Variants in SPRY3 observed in about 807,000 individuals in gnomAD.
SPRY3 encodes the protein protein sprouty homolog 3.
Under a neutral mutation model 20.2 loss-of-function variants are expected in SPRY3, and 15 were observed. That is an observed-to-expected ratio of 0.74 (90% CI 0.50 to 1.14). The LOEUF (loss-of-function observed/expected upper bound fraction) is 1.14. Ranked by LOEUF, SPRY3 falls within the 50% of genes most tolerant of loss-of-function variation. The probability of loss-of-function intolerance (pLI) is 0.00; values close to 1 mark genes in which losing one functional copy is unlikely to be tolerated. For missense variants in SPRY3, 364 were observed against 363.9 expected (o/e 1.00, Z 0.00); for synonymous variants, 143 against 136.5 (o/e 1.05, Z -0.33).
chrX:155,751,836 A>G (rs1190646850), intron 2 of SPRY3, among the ~76,000 whole-genome samples: 3 of 151,540 alleles, frequency 2.0e-5, no homozygotes, highest in Non-Finnish European at 4.4e-5. Context: ...AGGAAATTGT[A>G]TGAAAAAAGT....
chrX:155,721,326 T>A (rs1602963050), intron 2 of SPRY3, among the ~76,000 whole-genome samples: 1 of 152,022 alleles, frequency 6.6e-6, no homozygotes. Context: ...AAAAGGCAAA[T>A]CTAAGAGTTA....
chrX:155,690,182 A>G (rs1305343142), intron 2 of SPRY3, among the ~76,000 whole-genome samples: 1 of 88,722 alleles, frequency 1.1e-5, no homozygotes, highest in Non-Finnish European at 2.1e-5. Context: ...GGTCCAAGAG[A>G]GTGGTTGTTA....
chrX:155,751,977 ATAAAATAAAG>A lies in SPRY3; in HGVS notation c.-281-15984_-281-15975del, dbSNP rs2091266014. 2.2e-5 allele frequency among the ~76,000 whole-genome samples: 3 copies of A among 138,952 alleles called. No homozygotes were observed. In the East Asian group the frequency reaches 6.0e-4, roughly 28 times the overall value. The allele number at this position is 138,952 out of a possible 152,430, so 91.2% of individuals were successfully genotyped here. A position where few individuals can be genotyped will look rare whatever the true frequency, so the allele number is the denominator to read the frequency against. ...ATAAAATAAAATAAAATAAAATAAA[ATAAAATAAAG>A]GAAAGGAAAAGGAAAGGAGGGGATG... On this transcript the variant is annotated intron_variant, in intron 2 of 3. Transcript: ENST00000675360.
chrX:155,679,662 GT>G (rs2068068015), intron 2 of SPRY3, among the ~76,000 whole-genome samples: 1 of 111,806 alleles, frequency 8.9e-6, no homozygotes, highest in South Asian at 3.7e-4. Context: ...AATAGATATG[GT>G]TTTTGTCCTC....
chrX:155,742,600 A>G (rs1412401179), intron 2 of SPRY3, among the ~76,000 whole-genome samples: 2 of 152,094 alleles, frequency 1.3e-5, no homozygotes, highest in Non-Finnish European at 2.9e-5. Flanking sequence ...TAAGTAAAAC[A>G]CTCCTCAGCA....
intron 1 of SPRY3, among the ~76,000 whole-genome samples, chrX:155,630,696 G>C (rs1557350416): frequency 9.0e-6 from 1 of 110,884 alleles, no homozygotes; most frequent in African/African-American, 3.3e-5. Context: ...TTTGGTCATA[G>C]TATTCTTATT....
intron 2 of SPRY3, among the ~76,000 whole-genome samples, chrX:155,765,620 C>G (rs2091323105): frequency 6.6e-6 from 1 of 152,110 alleles, no homozygotes; most frequent in Admixed American, 6.6e-5. Flanking sequence ...ATCAATTTAA[C>G]TTTTTTTGTC....
chrX:155,775,012 G>A, exon 4 of SPRY3: 1 of 537,224 alleles, frequency 1.9e-6, no homozygotes, highest in Non-Finnish European at 3.4e-6. Context: ...TGGGTATGAG[G>A]TTTGAACACT....
At chrX:155,761,650 C>A (rs1305152967) in intron 2 of SPRY3, among the ~76,000 whole-genome samples, 3 of 151,650 alleles carry the variant, frequency 2.0e-5, no homozygotes, top group Non-Finnish European at 4.4e-5. Flanking sequence ...AGTAGTTGAA[C>A]TAATTTACAT....
chrX:155,628,547 C>T (rs868983015), intron 1 of SPRY3, among the ~76,000 whole-genome samples: 2 of 111,986 alleles, frequency 1.8e-5, no homozygotes, highest in African/African-American at 3.2e-5. Context: ...GAGATATTTA[C>T]GTGGCCAACA....
At chrX:155,730,574 C>A (rs2091126490) in intron 2 of SPRY3, among the ~76,000 whole-genome samples, 1 of 151,906 alleles carries the variant, frequency 6.6e-6, no homozygotes, top group African/African-American at 2.4e-5. Context: ...AGACCCACAG[C>A]TAGTATCATG....
chrX:155,661,509 G>A (rs2068009707), intron 2 of SPRY3, among the ~76,000 whole-genome samples: 1 of 111,463 alleles, frequency 9.0e-6, no homozygotes, highest in Admixed American at 9.5e-5. Flanking sequence ...ATATGGCTTG[G>A]TGAAGGTCAT....
intron 2 of SPRY3, among the ~76,000 whole-genome samples, chrX:155,754,989 G>A (rs306891): frequency 0.38 from 57,720 of 151,378 alleles, 10,465 homozygotes; most frequent in South Asian, 0.52. Context: ...TTTTAAATAG[G>A]GAATTTGCTA....
Position 155,767,213 on chromosome X carries a change from C to G in SPRY3, c.-281-749C>G, listed in dbSNP as rs306882. Among the ~76,000 whole-genome samples the G allele has an allele frequency of 1.8e-4, 28 of 151,510 alleles. 1 individual carries two copies. The highest frequency in any genetic ancestry group is 5.1e-4 in the African/African-American group (21 of 41,126). On this transcript the variant is annotated intron_variant, in intron 2 of 3. Coordinates refer to ENST00000675360, the Ensembl canonical transcript of SPRY3. ...TTAAGAGCTACAGCTCCGGGAAAGC[C>G]AACGACACGCGGGGGGAGGGGGGAG...
chrX:155,700,342 G>A lies in SPRY3; in HGVS notation c.-282+43317G>A, dbSNP rs754327615. Among the ~76,000 whole-genome samples the A allele has an allele frequency of 4.6e-5, 5 of 109,058 alleles. No individual in the cohort carries two copies. In the South Asian group the frequency reaches 1.6e-3, roughly 35 times the overall value. 94.7% of individuals were successfully genotyped at this position (109,058 alleles called of 115,157 possible). ...TTGAAATCTTTATAAGTTAGCAATA[G>A]GAATGTGAAATGGTGCAGCTGATGT... On this transcript the variant is annotated intron_variant, in intron 2 of 3. Coordinates refer to ENST00000675360, the Ensembl canonical transcript of SPRY3.
At chrX:155,665,135 C>T (rs1557354191) in intron 2 of SPRY3, among the ~76,000 whole-genome samples, 1 of 109,675 alleles carries the variant, frequency 9.1e-6, no homozygotes, top group African/African-American at 3.3e-5. Context: ...GACTAGTAAA[C>T]ATGTTAAAAG....
chrX:155,641,758 A>C (rs2067942083), intron 1 of SPRY3, among the ~76,000 whole-genome samples: 2 of 115,081 alleles, frequency 1.7e-5, no homozygotes, highest in Non-Finnish European at 3.7e-5. Context: ...GGATTTTACA[A>C]ACTGTGTTTA....
intron 2 of SPRY3, 38 bp from the exon 2 acceptor site, chrX:155,767,920 TTTTG>T (rs999397657): frequency 1.6e-5 from 2 of 128,854 alleles, no homozygotes; most frequent in Admixed American, 7.8e-5. Context: ...TTTTGTTTTG[TTTTG>T]TTTTGTTTTG....
intron 2 of SPRY3, among the ~76,000 whole-genome samples, chrX:155,716,981 A>AATATATATATATATATATATATATAT (rs749530944): frequency 1.6e-3 from 99 of 63,352 alleles, no homozygotes; most frequent in African/African-American, 3.4e-3. Flanking sequence ...TAAAATACAA[A>AATATATATATATATATATATATATAT]ATATATATAT....
Sources: allele counts gnomAD v4.1 joint callset (sites outside exome capture counted in the v4.1 genomes callset), GRCh38; gene constraint gnomAD v4.1.1; transcripts MANE v1.5; gene names NCBI Gene and HGNC (gene_info 2026-07-23, HGNC 2026-07-21).